Variants in FIG4 observed in about 807,000 individuals in gnomAD.
FIG4 encodes FIG4 phosphoinositide 5-phosphatase, also known as polyphosphoinositide phosphatase.
FIG4 carries 112 observed loss-of-function variants against 118.6 expected under a neutral mutation model. That is an observed-to-expected ratio of 0.94 (90% confidence interval 0.81 to 1.11). The LOEUF (loss-of-function observed/expected upper bound fraction) is 1.11. Ranked by LOEUF, FIG4 falls within the 50% of genes least tolerant of loss-of-function variation. The pLI is 0.00. For synonymous variants in FIG4, 369 were observed against 381.2 expected (o/e 0.97, Z 0.37); for missense variants, 969 against 1,111.7 (o/e 0.87, Z 1.83).
At chr6:109,806,078 G>A (rs917879426) in intron 22 of FIG4, among the ~76,000 whole-genome samples, 2 of 151,964 alleles carry the variant, frequency 1.3e-5, no homozygotes, top group Non-Finnish European at 2.9e-5. Flanking sequence ...ACTTTGTTTT[G>A]CACATGCTTA....
At chr6:109,698,882 T>A (rs961828532) in intron 1 of FIG4, among the ~76,000 whole-genome samples, 11 of 152,272 alleles carry the variant, frequency 7.2e-5, no homozygotes, top group African/African-American at 2.7e-4. Context: ...AGATTCTATA[T>A]GCTAATATTT....
At chr6:109,770,534 T>C (rs1265869460) in intron 15 of FIG4, among the ~76,000 whole-genome samples, 2 of 152,128 alleles carry the variant, frequency 1.3e-5, no homozygotes, top group Admixed American at 1.3e-4. Flanking sequence ...TACCTGAGAC[T>C]GAGTAATTTC....
intron 15 of FIG4, among the ~76,000 whole-genome samples, chr6:109,767,815 C>T (rs868353875): frequency 5.9e-5 from 9 of 151,748 alleles, no homozygotes; most frequent in Non-Finnish European, 1.2e-4. Flanking sequence ...GAGCTTGCAG[C>T]GAGCCGAGAT....
chr6:109,711,824 A>C (rs1775274159), intron 1 of FIG4, among the ~76,000 whole-genome samples: 2 of 152,144 alleles, frequency 1.3e-5, no homozygotes, highest in South Asian at 4.1e-4. Context: ...GTCATTTTGC[A>C]CACTTGTTTA....
intron 10 of FIG4, among the ~76,000 whole-genome samples, chr6:109,745,432 T>C (rs888651031): frequency 2.0e-5 from 3 of 152,216 alleles, no homozygotes; most frequent in African/African-American, 4.8e-5. Flanking sequence ...TGGCCACATA[T>C]AAATGTCTTC....
Position 109,743,768 on chromosome 6 carries a change from TG to T in FIG4, c.1134del (p.Lys379ArgfsTer12). ...TCTCCCATCATCATCTTGAATTTAG[TG>T]AAGGTATGATGTGCTCATCTGTTTG... ...FGSPIIILNL[V>X]KEREKRKHER... On this transcript the variant is annotated frameshift_variant, in exon 10 of 23. Transcript: ENST00000230124. LOFTEE classifies it high-confidence loss of function. The T allele has an allele frequency of 2.5e-6, 4 of 1,607,752 alleles. No individual in the cohort carries two copies. The highest frequency in any genetic ancestry group is 3.4e-6 in the Non-Finnish European group (4 of 1,174,690).
In FIG4 at chr6:109,730,085, G is replaced by A. The variant is rs187945636; in HGVS notation, c.447-2552G>A. ...TTTTCTTGAGACAAGGTCTCACTCT[G>A]TTACCCAGGCTGGAGTGCAGTGGTG... On this transcript the variant is annotated intron_variant, in intron 4 of 22. Transcript: ENST00000230124. 5.3e-5 allele frequency among the ~76,000 whole-genome samples: 8 copies of A among 151,492 alleles called. No homozygotes were observed. In the East Asian group the frequency reaches 7.8e-4, roughly 15 times the overall value.
intron 1 of FIG4, among the ~76,000 whole-genome samples, chr6:109,714,813 CA>C (rs1454557395): frequency 6.6e-6 from 1 of 152,142 alleles, no homozygotes; most frequent in East Asian, 1.9e-4. Flanking sequence ...AAATTTATGA[CA>C]ATTAAATTCA....
intron 22 of FIG4, among the ~76,000 whole-genome samples, chr6:109,812,858 T>A (rs757178310): frequency 2.0e-5 from 3 of 152,164 alleles, no homozygotes; most frequent in Non-Finnish European, 4.4e-5. Context: ...CACAGCAGAT[T>A]CTCTGTATGC....
intron 18 of FIG4, 48 bp downstream of exon 18, chr6:109,786,497 T>C: frequency 6.2e-7 from 1 of 1,602,612 alleles, no homozygotes; most frequent in Non-Finnish European, 8.5e-7. Context: ...AACTGTAGTT[T>C]TCCTAGTTTG....
chr6:109,725,254 T>C (rs548883506), intron 3 of FIG4, among the ~76,000 whole-genome samples: 1 of 152,166 alleles, frequency 6.6e-6, no homozygotes, highest in East Asian at 1.9e-4. Context: ...TTCCTCTCCT[T>C]GCCCCCACCC....
intron 4 of FIG4, among the ~76,000 whole-genome samples, chr6:109,729,378 G>A (rs1009876339): frequency 1.2e-4 from 19 of 152,260 alleles, no homozygotes; most frequent in African/African-American, 4.6e-4. Flanking sequence ...GTTCTTAGAA[G>A]TGAAACTTTA....
At chr6:109,796,254 G>A (rs189489323) in intron 21 of FIG4, among the ~76,000 whole-genome samples, 1 of 152,304 alleles carries the variant, frequency 6.6e-6, no homozygotes, top group African/African-American at 2.4e-5. Flanking sequence ...GATTCTTGTG[G>A]TCCAGAGGAA....
At chr6:109,764,157 G>T (rs191495666) in intron 13 of FIG4, among the ~76,000 whole-genome samples, 175 bp downstream of exon 13, 50 of 152,096 alleles carry the variant, frequency 3.3e-4, no homozygotes, top group African/African-American at 1.2e-3. Context: ...ATGTGTAGCT[G>T]GCTGGGCGCG....
At chr6:109,824,985 G>A (rs1779116089) in intron 22 of FIG4, 103 bp from the exon 23 acceptor site, 2 of 1,081,600 alleles carry the variant, frequency 1.8e-6, no homozygotes. Context: ...AAGTCAGCCT[G>A]CTTATTCAAT....
intron 18 of FIG4, among the ~76,000 whole-genome samples, chr6:109,787,994 C>T (rs1778032103): frequency 6.6e-6 from 1 of 152,072 alleles, no homozygotes; most frequent in African/African-American, 2.4e-5. Flanking sequence ...AACTGTTCTT[C>T]GAATTTTGAA....
At position 109,764,907 on chromosome 6, in the gene FIG4, G is replaced by T; in HGVS notation, c.1435-106G>T. ...CTGCCCACAGACTTTTTTTGTTTTT[G>T]TTTTTGTTTTTGTTTTTGTTTTTGT... On this transcript the variant is annotated intron_variant, in intron 13 of 22. Coordinates refer to ENST00000230124, the MANE Select transcript of FIG4 (RefSeq NM_014845.6). 11 of 1,033,648 alleles carry T rather than the reference G, an allele frequency of 1.1e-5. No homozygotes were observed. In the Admixed American group the frequency reaches 1.4e-4, roughly 13 times the overall value. The allele number at this position is 1,033,648 out of a possible 1,614,324, so 64.0% of individuals were successfully genotyped here.
At chr6:109,742,378 G>A (rs1273654639) in intron 8 of FIG4, among the ~76,000 whole-genome samples, 3 of 152,030 alleles carry the variant, frequency 2.0e-5, no homozygotes, top group Admixed American at 6.6e-5. Context: ...CATCAGCCGT[G>A]TTCTGTCCTT....
At chr6:109,821,716 C>G (rs1226420959) in intron 22 of FIG4, among the ~76,000 whole-genome samples, 1 of 152,182 alleles carries the variant, frequency 6.6e-6, no homozygotes, top group African/African-American at 2.4e-5. Flanking sequence ...GTTACCAAAG[C>G]AATCGAAACA....
Sources: allele counts gnomAD v4.1 joint callset (sites outside exome capture counted in the v4.1 genomes callset), GRCh38; gene constraint gnomAD v4.1.1; transcripts MANE v1.5; gene names NCBI Gene and HGNC (gene_info 2026-07-23, HGNC 2026-07-21).